Variants in POLDIP3 observed in about 807,000 individuals in gnomAD.
The protein encoded by POLDIP3 is DNA polymerase delta interacting protein 3, also known as polymerase delta-interacting protein 3.
In POLDIP3, 14 loss-of-function variants were observed where a neutral mutation model predicts 45.1. The ratio of observed to expected loss-of-function variants is 0.31; its 90% CI spans 0.20 to 0.49. The LOEUF is 0.49. Among genes scored for constraint, POLDIP3 ranks in the 20% least tolerant of loss-of-function variants. The pLI is 0.99. For synonymous variants in POLDIP3, 223 were observed against 205.2 expected, an observed-to-expected ratio of 1.09 and a Z score of -0.74; for missense variants, 511 against 538.8, an observed-to-expected ratio of 0.95 and a Z score of 0.51.
chr22:42,588,230 T>G (rs1431166573), intron 7 of POLDIP3, among the ~76,000 whole-genome samples: 1 of 151,656 alleles, frequency 6.6e-6, no homozygotes, highest in Non-Finnish European at 1.5e-5. Flanking sequence ...CTGAGGCGGG[T>G]GGATCACGAA....
intron 1 of POLDIP3, among the ~76,000 whole-genome samples, chr22:42,608,428 TCAAAACAAAA>T (rs892967244): frequency 1.6e-3 from 239 of 149,794 alleles, no homozygotes; most frequent in African/African-American, 5.6e-3. Context: ...GTCTCAAAAA[TCAAAACAAAA>T]CAAAACAAAA....
At chr22:42,587,820 A>G (rs1397618672) in intron 7 of POLDIP3, among the ~76,000 whole-genome samples, 1 of 152,234 alleles carries the variant, frequency 6.6e-6, no homozygotes, top group Non-Finnish European at 1.5e-5. Context: ...ATACAGGAAG[A>G]GATGAGTGGG....
chr22:42,588,344 A>G (rs1925445445), intron 7 of POLDIP3, among the ~76,000 whole-genome samples: 1 of 151,578 alleles, frequency 6.6e-6, no homozygotes, highest in Admixed American at 6.6e-5. Context: ...AGTCCCAGCT[A>G]CTCAGGAGGC....
At chr22:42,586,830 G>C (rs1325979416) in intron 8 of POLDIP3, among the ~76,000 whole-genome samples, 1 of 152,124 alleles carries the variant, frequency 6.6e-6, no homozygotes, top group African/African-American at 2.4e-5. Context: ...AGAAGGTGAA[G>C]TCCTCACAGT....
intron 6 of POLDIP3, among the ~76,000 whole-genome samples, chr22:42,594,932 T>C (rs1197006800): frequency 6.6e-6 from 1 of 152,208 alleles, no homozygotes; most frequent in East Asian, 1.9e-4. Flanking sequence ...ATAGCATAGA[T>C]ATCCCCTGAC....
chr22:42,602,243 AACGCACATGT>A lies in POLDIP3; in HGVS notation c.451-197_451-188del, dbSNP rs1424943723. ...TCATCAATCCAGAGACCATGCCGGT[AACGCACATGT>A]AGGGCTTAATGGACTTGGCTCAGTA... On this transcript the variant is annotated intron_variant, in intron 2 of 8. Coordinates refer to ENST00000252115, the MANE Select transcript of POLDIP3 (RefSeq NM_032311.5). The A allele has an allele frequency of 1.1e-5, 10 of 935,432 alleles. No homozygotes were observed. The African/African-American group carries it at 1.7e-4, about 16-fold the overall frequency. 57.9% of individuals were successfully genotyped at this position (935,432 alleles called of 1,614,324 possible).
At position 42,584,628 on chromosome 22, in the gene POLDIP3, T is replaced by G; in HGVS notation, c.*1163A>C. 1 of 323,792 alleles carries G rather than the reference T, an allele frequency of 3.1e-6. No homozygotes were observed. Among genetic ancestry groups the G allele is most frequent in the Non-Finnish European group, 6.0e-6 (1 of 166,378 alleles). 20.1% of individuals were successfully genotyped at this position (323,792 alleles called of 1,614,324 possible). On this transcript the variant is annotated 3_prime_UTR_variant, in exon 9 of 9. Transcript: ENST00000252115. ...TTCAGGGACTGCCTGGGCTCTGAAG[T>G]TTCGTCCCAACTGTCTGCGCCTATG... is the stretch of plus-strand genomic sequence containing the variant.
intron 1 of POLDIP3, among the ~76,000 whole-genome samples, chr22:42,613,326 G>A (rs886502613): frequency 3.9e-5 from 6 of 152,220 alleles, no homozygotes; most frequent in Middle Eastern, 3.2e-3. Context: ...CCACAAGCCA[G>A]GTAAGTGCTG....
intron 4 of POLDIP3, chr22:42,597,546 C>T: frequency 3.0e-6 from 1 of 336,710 alleles, no homozygotes; most frequent in South Asian, 2.4e-5. Context: ...CTTATTTCAC[C>T]TCTCCATGCC....
At chr22:42,602,454 G>A (rs1427220431) in intron 2 of POLDIP3, among the ~76,000 whole-genome samples, 3 of 152,178 alleles carry the variant, frequency 2.0e-5, no homozygotes, top group Non-Finnish European at 4.4e-5. Flanking sequence ...CAGATATTAA[G>A]GGCCTGCCAC....
chr22:42,598,630 C>T (rs565366223), intron 4 of POLDIP3, among the ~76,000 whole-genome samples: 22 of 152,230 alleles, frequency 1.4e-4, no homozygotes, highest in African/African-American at 3.9e-4. Flanking sequence ...GTGATCTGCC[C>T]GCCTCTGCCT....
chr22:42,585,706 C>G lies in POLDIP3; in HGVS notation c.*85G>C. On this transcript the variant is annotated 3_prime_UTR_variant, in exon 9 of 9. Coordinates refer to ENST00000252115, the MANE Select transcript of POLDIP3 (RefSeq NM_032311.5). ...TTCCCACAATCAGGGGTCTCCAGTC[C>G]GATGGCCCATTGGTCATAAGCTTTG... 2 of 1,463,946 alleles carry G rather than the reference C, an allele frequency of 1.4e-6. No individual in the cohort carries two copies. Among genetic ancestry groups the G allele is most frequent in the South Asian group, 2.7e-5 (2 of 74,894 alleles). 90.7% of individuals were successfully genotyped at this position (1,463,946 alleles called of 1,614,324 possible). A position where few individuals can be genotyped will look rare whatever the true frequency, so the allele number is the denominator to read the frequency against.
intron 1 of POLDIP3, among the ~76,000 whole-genome samples, chr22:42,611,290 A>C (rs1479845762): frequency 6.6e-6 from 1 of 152,184 alleles, no homozygotes; most frequent in Non-Finnish European, 1.5e-5. Flanking sequence ...ACACAGCTGC[A>C]GTTACAGGCA....
rs1601876585 is a variant in POLDIP3 at position 42,584,638 on chromosome 22, A to G, written c.*1153T>C. 9.0e-6 allele frequency: 3 copies of G among 331,784 alleles called. No individual in the cohort carries two copies. The highest frequency in any genetic ancestry group is 9.0e-5 in the East Asian group (1 of 11,120). The allele number at this position is 331,784 out of a possible 1,614,324, so 20.6% of individuals were successfully genotyped here. The stretch of plus-strand genomic sequence containing the variant: ...GCCTGGGCTCTGAAGTTTCGTCCCA[A>G]CTGTCTGCGCCTATGCTGGGGAAAC... On this transcript the variant is annotated 3_prime_UTR_variant, in exon 9 of 9. Transcript: ENST00000252115.
intron 6 of POLDIP3, 106 bp from the exon 7 acceptor site, chr22:42,592,190 G>A (rs1040703755): frequency 9.2e-6 from 14 of 1,521,354 alleles, no homozygotes; most frequent in South Asian, 2.4e-5. Context: ...AGCTAAATGC[G>A]CCCTGCGCCT....
chr22:42,585,706 C>A lies in POLDIP3; in HGVS notation c.*85G>T. ...TTCCCACAATCAGGGGTCTCCAGTC[C>A]GATGGCCCATTGGTCATAAGCTTTG... is the stretch of plus-strand genomic sequence containing the variant. On this transcript the variant is annotated 3_prime_UTR_variant, in exon 9 of 9. Transcript: ENST00000252115. The A allele has an allele frequency of 6.8e-7, 1 of 1,463,946 alleles. No individual in the cohort carries two copies. The highest frequency in any genetic ancestry group is 1.3e-5 in the South Asian group (1 of 74,894). The allele number at this position is 1,463,946 out of a possible 1,614,324, so 90.7% of individuals were successfully genotyped here. A position where few individuals can be genotyped will look rare whatever the true frequency, so the allele number is the denominator to read the frequency against.
At position 42,585,239 on chromosome 22, in the gene POLDIP3, A is replaced by C. The variant is rs752068736; in HGVS notation, c.*552T>G. ...GAGGCCTGGAGCCACTGGGGAGAGG[A>C]CAAGAGGCCTGAGACCTGCTCCCCA... On this transcript the variant is annotated 3_prime_UTR_variant, in exon 9 of 9. Transcript: ENST00000252115. 6.4e-5 allele frequency: 33 copies of C among 515,924 alleles called. 1 individual carries two copies. The allele number at this position is 515,924 out of a possible 1,614,324, so 32.0% of individuals were successfully genotyped here.
At chr22:42,599,286 A>G (rs1188543659) in intron 4 of POLDIP3, among the ~76,000 whole-genome samples, 2 of 152,204 alleles carry the variant, frequency 1.3e-5, no homozygotes, top group East Asian at 1.9e-4. Context: ...TACGGCCCAA[A>G]CAAAGAAATA....
intron 8 of POLDIP3, 134 bp from the exon 9 acceptor site, chr22:42,586,102 C>G: frequency 1.3e-6 from 1 of 776,774 alleles, no homozygotes; most frequent in East Asian, 2.8e-5. Context: ...CATCTCATTC[C>G]ACCTCGCAGC....
Sources: allele counts gnomAD v4.1 joint callset (sites outside exome capture counted in the v4.1 genomes callset), GRCh38; gene constraint gnomAD v4.1.1; transcripts MANE v1.5; gene names NCBI Gene and HGNC (gene_info 2026-07-23, HGNC 2026-07-21).